The following THOC5 variants were observed in gnomAD, a reference collection of about 807,000 sequenced individuals.
The protein encoded by THOC5 is THO complex subunit 5.
Under a neutral mutation model 92.9 loss-of-function variants are expected in THOC5, and 43 were observed. The observed-to-expected ratio is 0.46, with a 90% CI of 0.36 to 0.60. The LOEUF is 0.60. Ranked by LOEUF, THOC5 falls within the 20% of genes least tolerant of loss-of-function variation. The pLI, the probability that THOC5 is intolerant of heterozygous loss-of-function variation, is 0.00. For synonymous variants in THOC5, 296 were observed against 320.1 expected, an observed-to-expected ratio of 0.92 and a Z score of 0.80; for missense variants, 659 against 849.4, an observed-to-expected ratio of 0.78 and a Z score of 2.79.
At chr22:29,512,812 G>A (rs77423614) in intron 17 of THOC5, among the ~76,000 whole-genome samples, 3,310 of 152,300 alleles carry the variant, frequency 0.022, 134 homozygotes, top group African/African-American at 0.075. Flanking sequence ...AGAACTGGCT[G>A]ATATCAAAGC....
intron 3 of THOC5, 108 bp from the exon 4 acceptor site, chr22:29,543,650 G>C (rs2063949734): frequency 1.5e-6 from 1 of 666,830 alleles, no homozygotes; most frequent in Admixed American, 2.6e-5. Context: ...CGGCACCGGA[G>C]GGAGCTCAGA....
intron 5 of THOC5, among the ~76,000 whole-genome samples, chr22:29,542,278 G>A (rs1024024892): frequency 3.3e-5 from 5 of 152,190 alleles, no homozygotes; most frequent in Non-Finnish European, 4.4e-5. Context: ...AACTGGTAAT[G>A]TAAAGACCCC....
At chr22:29,536,338 C>A in intron 7 of THOC5, 1 of 303,640 alleles carries the variant, frequency 3.3e-6, no homozygotes, top group South Asian at 9.4e-5. Flanking sequence ...CCGGTGGGGG[C>A]CATGCAGGGG....
chr22:29,518,626 C>T (rs1214568607), intron 15 of THOC5, among the ~76,000 whole-genome samples: 1 of 152,230 alleles, frequency 6.6e-6, no homozygotes, highest in East Asian at 1.9e-4. Context: ...TCACTGTGCT[C>T]AGTTCTTCCC....
chr22:29,537,141 A>T (rs1012871147), intron 6 of THOC5, among the ~76,000 whole-genome samples: 16 of 152,250 alleles, frequency 1.1e-4, no homozygotes, highest in African/African-American at 3.9e-4. Context: ...TAAGACCTAA[A>T]ACTTTCACAA....
chr22:29,542,807 A>G (rs1253138447), intron 5 of THOC5, 52 bp downstream of exon 5: 3 of 1,260,190 alleles, frequency 2.4e-6, no homozygotes, highest in Non-Finnish European at 3.4e-6. Flanking sequence ...ACATGGGAAA[A>G]AGCAGTTACC....
At position 29,506,096 on chromosome 22, in the gene THOC5, G is replaced by A. The variant is rs1569201690; in HGVS notation, c.*2361C>T. On this transcript the variant is annotated 3_prime_UTR_variant, in exon 20 of 20. Transcript: ENST00000490103. ...GCTGGTCTTGAACTCCTGATCTCAG[G>A]TGATCCGCCCACCAGCCTCCCAAAG... is the stretch of plus-strand genomic sequence containing the variant. 6.6e-6 allele frequency: 1 copy of A among 152,170 alleles called. No homozygotes were observed. Among genetic ancestry groups the A allele is most frequent in the Admixed American group, 6.5e-5 (1 of 15,270 alleles). The allele number at this position is 152,170 out of a possible 1,614,324, so 9.4% of individuals were successfully genotyped here.
chr22:29,537,382 T>C (rs1157683737), intron 6 of THOC5, among the ~76,000 whole-genome samples: 1 of 152,232 alleles, frequency 6.6e-6, no homozygotes, highest in Non-Finnish European at 1.5e-5. Flanking sequence ...GGCTCATGCC[T>C]GTAATTCCAG....
chr22:29,528,903 A>AAG, intron 9 of THOC5: 1 of 542,384 alleles, frequency 1.8e-6, no homozygotes, highest in Non-Finnish European at 3.3e-6. Flanking sequence ...TGTTTTCACA[A>AAG]AGGAATAAAC....
At chr22:29,528,252 C>T in intron 10 of THOC5, 75 bp from the exon 11 acceptor site, 2 of 1,613,938 alleles carry the variant, frequency 1.2e-6, no homozygotes, top group South Asian at 2.2e-5. Context: ...ACCAGCCAGG[C>T]CTCAGCCCTA....
chr22:29,525,994 C>T (rs2063535248), intron 11 of THOC5, 48 bp from the exon 12 acceptor site: 1 of 1,376,126 alleles, frequency 7.3e-7, no homozygotes. Flanking sequence ...ACACTCAGAG[C>T]AGAGTGAACA....
chr22:29,547,877 T>A (rs142953016), intron 2 of THOC5, among the ~76,000 whole-genome samples: 2,139 of 152,294 alleles, frequency 0.014, 15 homozygotes, highest in Non-Finnish European at 0.02. Flanking sequence ...ACGCTGCTGA[T>A]AAAGACATAC....
chr22:29,551,801 CT>C (rs2064152014), intron 1 of THOC5, among the ~76,000 whole-genome samples: 1 of 132,206 alleles, frequency 7.6e-6, no homozygotes, highest in African/African-American at 2.8e-5. Context: ...CCCCTCCCCC[CT>C]CCCCCTCTCT....
At chr22:29,541,893 AATATATATATAT>A (rs55924406) in intron 5 of THOC5, among the ~76,000 whole-genome samples, 20,515 of 75,274 alleles carry the variant, frequency 0.27, 3,009 homozygotes, top group East Asian at 0.49. Flanking sequence ...AAAAAAAAAA[AATATATATATAT>A]ATATATATAT....
At chr22:29,514,429 G>A (rs987173719) in intron 17 of THOC5, among the ~76,000 whole-genome samples, 9 of 147,894 alleles carry the variant, frequency 6.1e-5, no homozygotes, top group African/African-American at 2.2e-4. Flanking sequence ...CCATTCTCCT[G>A]CCTCACCCTC....
intron 12 of THOC5, among the ~76,000 whole-genome samples, chr22:29,525,507 C>G (rs569216684): frequency 1.6e-3 from 235 of 150,552 alleles, no homozygotes; most frequent in African/African-American, 5.3e-3. Context: ...ATTTGGCAAC[C>G]TAATAATGTC....
chr22:29,522,551 A>G (rs1390244310), intron 12 of THOC5, among the ~76,000 whole-genome samples: 1 of 152,176 alleles, frequency 6.6e-6, no homozygotes, highest in Non-Finnish European at 1.5e-5. Flanking sequence ...GGCAAAATTT[A>G]TATCTGCAAC....
At chr22:29,518,898 A>G (rs1385493798) in intron 15 of THOC5, 108 bp downstream of exon 15, 2 of 777,054 alleles carry the variant, frequency 2.6e-6, no homozygotes, top group Non-Finnish European at 4.3e-6. Context: ...CCAGGAATCC[A>G]GGTCTTGTAT....
chr22:29,544,065 CT>C (rs2063961320), intron 3 of THOC5, among the ~76,000 whole-genome samples: 1 of 152,138 alleles, frequency 6.6e-6, no homozygotes, highest in South Asian at 2.1e-4. Context: ...TTCTCTGCCC[CT>C]AAAACCTCAT....
Sources: allele counts gnomAD v4.1 joint callset (sites outside exome capture counted in the v4.1 genomes callset), GRCh38; gene constraint gnomAD v4.1.1; transcripts MANE v1.5; gene names NCBI Gene and HGNC (gene_info 2026-07-23, HGNC 2026-07-21).